The following SCN1A variants were observed in gnomAD, a reference collection of about 807,000 sequenced individuals.
The protein encoded by SCN1A is sodium voltage-gated channel alpha subunit 1, also known as sodium channel protein type 1 subunit alpha.
A neutral mutation model predicts 193.7 loss-of-function variants in SCN1A; 13 were observed. The observed-to-expected ratio is 0.07, with a 90% CI of 0.04 to 0.11. SCN1A has a LOEUF of 0.11. Among genes scored for constraint, SCN1A ranks in the 10% least tolerant of loss-of-function variants. The pLI is 1.00. For missense variants in SCN1A, 1,432 were observed against 2,451.1 expected (o/e 0.58, Z 8.78); for synonymous variants, 781 against 843.6 (o/e 0.93, Z 1.29).
intron 2 of SCN1A, among the ~76,000 whole-genome samples, chr2:166,117,212 A>G (rs1180258106): frequency 1.3e-5 from 2 of 152,196 alleles, no homozygotes; most frequent in Admixed American, 1.3e-4. Flanking sequence ...ATAGTATTCT[A>G]TGGAAGTACA....
chr2:166,052,931 C>T lies in SCN1A; in HGVS notation c.615G>A (p.Glu205=). ...FTVITFAYVT[E]FVDLGNVSAL... is the part of the protein sequence containing the mutation. ...CCGAGACATTGCCCAGGTCCACAAACTCTGTGACGTACCTGTAATAGGGAG... is the reference window on the plus strand; with the variant it reads ...CCGAGACATTGCCCAGGTCCACAAATTCTGTGACGTACCTGTAATAGGGAG... Residue 205 remains glutamate, a synonymous_variant, in exon 8 of 29, where the codon GAG becomes GAA. Coordinates refer to ENST00000674923, the MANE Select transcript of SCN1A (RefSeq NM_001165963.4). 6.2e-7 allele frequency: 1 copy of T among 1,612,352 alleles called. No homozygotes were observed. Among genetic ancestry groups the T allele is most frequent in the Non-Finnish European group, 8.5e-7 (1 of 1,178,978 alleles).
At chr2:166,032,916 A>G (rs1695823465) in intron 19 of SCN1A, among the ~76,000 whole-genome samples, 1 of 152,196 alleles carries the variant, frequency 6.6e-6, no homozygotes, top group African/African-American at 2.4e-5. Flanking sequence ...AATTAAAATG[A>G]CAATCTCAAG....
In SCN1A at chr2:166,009,851, C is replaced by G. The variant is rs886055043; in HGVS notation, c.3880-10G>C. 6.2e-7 allele frequency: 1 copy of G among 1,604,282 alleles called. No homozygotes were observed. Among genetic ancestry groups the G allele is most frequent in the South Asian group, 1.1e-5 (1 of 90,882 alleles). On this transcript the variant is annotated splice_polypyrimidine_tract_variant and intron_variant, in intron 22 of 28. Transcript: ENST00000674923. ...AACTGACCAATGAAACCTGCACACA[C>G]AAAAATAATAACAATTAATAAACAG...
chr2:166,054,513 C>T, intron 7 of SCN1A, 125 bp downstream of exon 7: 1 of 995,416 alleles, frequency 1.0e-6, no homozygotes. Flanking sequence ...AATTGAAATC[C>T]AGAGTTTGAA....
Position 166,073,501 on chromosome 2 carries a change from T to C in SCN1A, c.121A>G (p.Lys41Glu), listed in dbSNP as rs764444350. Reference protein sequence around the residue: ...EEKAKNPKPDKKDDDENGPKP... With the variant: ...EEKAKNPKPDEKDDDENGPKP... ...GGGCCATTTTCGTCGTCATCTTTTT[T>C]GTCTGGTTTGGGATTCTTTGCCTTT... The change falls in exon 4 of 29, where the codon AAA becomes GAA. Residue 41 changes from lysine to glutamate, a missense_variant. Lys to Glu is a moderately conservative substitution (Grantham distance 56). Transcript: ENST00000674923. 6.2e-7 allele frequency: 1 copy of C among 1,614,224 alleles called. No individual in the cohort carries two copies. The highest frequency in any genetic ancestry group is 8.5e-7 in the Non-Finnish European group (1 of 1,180,024).
At chr2:166,017,443 A>T (rs903804981) in intron 19 of SCN1A, among the ~76,000 whole-genome samples, 1 of 152,024 alleles carries the variant, frequency 6.6e-6, no homozygotes, top group African/African-American at 2.4e-5. Flanking sequence ...TCATAACATC[A>T]CATGATCTTC....
chr2:165,996,178 T>G, intron 26 of SCN1A, 61 bp from the exon 27 acceptor site: 1 of 1,042,692 alleles, frequency 9.6e-7, no homozygotes, highest in East Asian at 2.4e-5. Context: ...TTTTTCAATG[T>G]TAAAATAGAA....
intron 19 of SCN1A, among the ~76,000 whole-genome samples, chr2:166,026,874 G>A (rs1321086526): frequency 6.6e-6 from 1 of 151,544 alleles, no homozygotes; most frequent in African/African-American, 2.4e-5. Context: ...TAGTAGAGAT[G>A]GGGTTTCACC....
chr2:166,148,058 G>T (rs1274526085), intron 1 of SCN1A, among the ~76,000 whole-genome samples: 1 of 152,128 alleles, frequency 6.6e-6, no homozygotes, highest in Admixed American at 6.5e-5. Flanking sequence ...GACAGTTTAT[G>T]CAGACTTTAC....
At chr2:166,036,789 A>G (rs1171868006) in intron 18 of SCN1A, among the ~76,000 whole-genome samples, 2 of 152,202 alleles carry the variant, frequency 1.3e-5, no homozygotes, top group Non-Finnish European at 2.9e-5. Flanking sequence ...GAGCTAATCT[A>G]AGGTTTTGTT....
At chr2:166,096,491 A>G (rs1361166472) in intron 2 of SCN1A, among the ~76,000 whole-genome samples, 1 of 152,140 alleles carries the variant, frequency 6.6e-6, no homozygotes, top group Non-Finnish European at 1.5e-5. Context: ...CATGTTGGCC[A>G]GGCTGGTCTT....
chr2:166,025,201 C>G (rs958326759), intron 19 of SCN1A, among the ~76,000 whole-genome samples: 1 of 152,038 alleles, frequency 6.6e-6, no homozygotes, highest in African/African-American at 2.4e-5. Flanking sequence ...GAGATGATGT[C>G]AAGGTGTTGG....
chr2:166,148,336 C>T (rs528251170), intron 1 of SCN1A, among the ~76,000 whole-genome samples: 1 of 152,272 alleles, frequency 6.6e-6, no homozygotes, highest in South Asian at 2.1e-4. Flanking sequence ...GCTATTTTAA[C>T]TAATTGCTGA....
intron 19 of SCN1A, among the ~76,000 whole-genome samples, chr2:166,027,775 T>C (rs1695002479): frequency 6.6e-6 from 1 of 152,046 alleles, no homozygotes; most frequent in Non-Finnish European, 1.5e-5. Context: ...ACCTCAGAAA[T>C]GCTAGTATTA....
In SCN1A at chr2:166,012,105, C is replaced by A. The variant is rs763755211; in HGVS notation, c.3879+4G>T. 9 of 1,608,810 alleles carry A rather than the reference C, an allele frequency of 5.6e-6. No individual in the cohort carries two copies. In the South Asian group the frequency reaches 9.9e-5, roughly 18 times the overall value. ...ACAGAGACAAAAATATGAACGATAC[C>A]TACATCAACAATTAAGAAGTCCAGC... On this transcript the variant is annotated splice_donor_region_variant and intron_variant, in intron 22 of 28. Coordinates refer to ENST00000674923, the MANE Select transcript of SCN1A (RefSeq NM_001165963.4).
intron 28 of SCN1A, chr2:165,993,789 G>A (rs888617677): frequency 2.5e-5 from 7 of 280,256 alleles, no homozygotes; most frequent in East Asian, 6.2e-5. Context: ...AGCAATTTTC[G>A]TGAGTACCAG....
At chr2:166,000,636 T>A (rs992742418) in intron 24 of SCN1A, among the ~76,000 whole-genome samples, 1 of 151,688 alleles carries the variant, frequency 6.6e-6, no homozygotes, top group Non-Finnish European at 1.5e-5. Flanking sequence ...GTGGATTTCA[T>A]GAGACAAAAG....
chr2:166,058,880 A>G (rs1682983592), intron 4 of SCN1A, among the ~76,000 whole-genome samples, 192 bp from the exon 5 acceptor site: 1 of 152,136 alleles, frequency 6.6e-6, no homozygotes, highest in Non-Finnish European at 1.5e-5. Context: ...AAATCCAATG[A>G]TACCACTTAC....
In SCN1A at chr2:166,038,224, A is replaced by G. The variant is rs1574185328; in HGVS notation, c.2590-92T>C. ...CTAGAAATGGTCATTAGAATTCAAT[A>G]TCTTACAATATCTGATCTGCCCTAA... On this transcript the variant is annotated intron_variant, in intron 17 of 28. Coordinates refer to ENST00000674923, the MANE Select transcript of SCN1A (RefSeq NM_001165963.4). 3 of 975,408 alleles carry G rather than the reference A, an allele frequency of 3.1e-6. No individual in the cohort carries two copies. The East Asian group carries it at 7.9e-5, about 26-fold the overall frequency. 60.4% of individuals were successfully genotyped at this position (975,408 alleles called of 1,614,324 possible). A position where few individuals can be genotyped will look rare whatever the true frequency, so the allele number is the denominator to read the frequency against.
Sources: gnomAD v4.1 joint callset for allele counts (sites outside exome capture counted in the v4.1 genomes callset) on GRCh38, gnomAD v4.1.1 for gene constraint, MANE v1.5 for transcripts, NCBI Gene and HGNC (gene_info 2026-07-23, HGNC 2026-07-21) for gene names.